Variants in LURAP1L observed in about 807,000 individuals in gnomAD.
The protein encoded by LURAP1L is leucine rich adaptor protein 1-like.
Under a neutral mutation model 13.8 loss-of-function variants are expected in LURAP1L, and 12 were observed. The observed-to-expected ratio is 0.87, with a 90% CI of 0.56 to 1.41. The LOEUF (loss-of-function observed/expected upper bound fraction) is 1.41. Ranked by LOEUF, LURAP1L falls within the 40% of genes most tolerant of loss-of-function variation. LURAP1L has a pLI of 0.00. For missense variants in LURAP1L, 375 were observed against 292.9 expected, an observed-to-expected ratio of 1.28 and a Z score of -2.04; for synonymous variants, 139 against 119.2, an observed-to-expected ratio of 1.17 and a Z score of -1.08.
intron 1 of LURAP1L, among the ~76,000 whole-genome samples, chr9:12,805,019 G>A (rs951837924): frequency 6.6e-6 from 1 of 151,786 alleles, no homozygotes; most frequent in Non-Finnish European, 1.5e-5. Flanking sequence ...CATTAGAAAA[G>A]AAATATAAAT....
chr9:12,797,257 C>T (rs1298797982), intron 1 of LURAP1L, among the ~76,000 whole-genome samples: 1 of 151,918 alleles, frequency 6.6e-6, no homozygotes, highest in Non-Finnish European at 1.5e-5. Flanking sequence ...ACCCACTGCT[C>T]CTTACCCTAC....
intron 1 of LURAP1L, among the ~76,000 whole-genome samples, chr9:12,794,174 G>A (rs984932128): frequency 8.5e-5 from 13 of 152,090 alleles, no homozygotes; most frequent in African/African-American, 2.4e-4. Context: ...TGGTTGTTCC[G>A]AGTGCCATGC....
intron 1 of LURAP1L, among the ~76,000 whole-genome samples, chr9:12,786,568 A>ATATATG (rs1819356807): frequency 3.2e-5 from 4 of 124,414 alleles, no homozygotes; most frequent in African/African-American, 1.2e-4. Context: ...ATATATATAT[A>ATATATG]TATATATATA....
chr9:12,779,996 G>A (rs1457883267), intron 1 of LURAP1L, among the ~76,000 whole-genome samples: 1 of 152,112 alleles, frequency 6.6e-6, no homozygotes, highest in Non-Finnish European at 1.5e-5. Flanking sequence ...CAGTCCACAA[G>A]AACTGCCATG....
At chr9:12,814,534 A>T (rs1048254137) in intron 1 of LURAP1L, among the ~76,000 whole-genome samples, 1 of 152,194 alleles carries the variant, frequency 6.6e-6, no homozygotes, top group African/African-American at 2.4e-5. Flanking sequence ...CTAAGTATCA[A>T]TTGGACCTAG....
intron 1 of LURAP1L, among the ~76,000 whole-genome samples, chr9:12,818,969 G>A (rs1012873706): frequency 2.0e-5 from 3 of 152,188 alleles, no homozygotes; most frequent in Non-Finnish European, 4.4e-5. Flanking sequence ...TAGGCAAATT[G>A]TTGGTGATTT....
rs1388350013 is a variant in LURAP1L, at chr9:12,821,784, G to A, written c.*24G>A. Reference sequence around the variant, plus strand: ...AGTGACAGTTTTTTGCATGGGACTGGTGTGCAATGAACTTGTATTTATCCT... The same window carrying A: ...AGTGACAGTTTTTTGCATGGGACTGATGTGCAATGAACTTGTATTTATCCT... On this transcript the variant is annotated 3_prime_UTR_variant, in exon 2 of 2. Transcript: ENST00000319264. 1 of 1,593,294 alleles carries A rather than the reference G, an allele frequency of 6.3e-7. No individual in the cohort carries two copies. The highest frequency in any genetic ancestry group is 8.6e-7 in the Non-Finnish European group (1 of 1,166,026).
At chr9:12,785,993 A>G (rs191818989) in intron 1 of LURAP1L, among the ~76,000 whole-genome samples, 2 of 152,202 alleles carry the variant, frequency 1.3e-5, no homozygotes, top group East Asian at 1.9e-4. Flanking sequence ...ATATATTTGC[A>G]TTTTATATAC....
chr9:12,799,740 G>C (rs1377337651), intron 1 of LURAP1L, among the ~76,000 whole-genome samples: 2 of 152,062 alleles, frequency 1.3e-5, no homozygotes, highest in African/African-American at 4.8e-5. Context: ...TTAGCCAGGT[G>C]GCAGGCGTCT....
At chr9:12,786,661 T>C (rs138805343) in intron 1 of LURAP1L, among the ~76,000 whole-genome samples, 1 of 148,990 alleles carries the variant, frequency 6.7e-6, no homozygotes, top group East Asian at 2.0e-4. Context: ...AATTTGCTCA[T>C]CTGGGATGCT....
intron 1 of LURAP1L, among the ~76,000 whole-genome samples, chr9:12,787,198 G>A (rs1476603816): frequency 6.6e-6 from 1 of 152,026 alleles, no homozygotes; most frequent in East Asian, 1.9e-4. Flanking sequence ...TACCTTCCTG[G>A]AAATGTTCTA....
Position 12,776,130 on chromosome 9 carries a change from G to C in LURAP1L, c.312+103G>C, listed in dbSNP as rs1043557818. The C allele has an allele frequency of 6.6e-6, 8 of 1,211,988 alleles. 1 individual carries two copies. The Admixed American group carries it at 6.9e-5, about 10-fold the overall frequency. 75.1% of individuals were successfully genotyped at this position (1,211,988 alleles called of 1,614,324 possible). A position where few individuals can be genotyped will look rare whatever the true frequency, so the allele number is the denominator to read the frequency against. ...GAGAGAGGACGGCAGGGGCTGCAGA[G>C]CGGAGCGCTGGGCGCGTGGGAAATG... On this transcript the variant is annotated intron_variant, in intron 1 of 1. Transcript: ENST00000319264.
chr9:12,782,905 T>C (rs1819292139), intron 1 of LURAP1L, among the ~76,000 whole-genome samples: 1 of 152,174 alleles, frequency 6.6e-6, no homozygotes, highest in Admixed American at 6.5e-5. Context: ...CATCGGTATT[T>C]TATAGTATTC....
In LURAP1L at chr9:12,821,516, G is replaced by A. The variant is rs755138696; in HGVS notation, c.443G>A (p.Ser148Asn). The stretch of plus-strand genomic sequence containing the variant: ...AGCAGAGGCAGCAGCCTCAGTGGCA[G>A]CCTGTGCAGTTTGTTGGAGAGTCAG... ...ITSRGSSLSGSLCSLLESQST... is the reference protein window; with the variant it reads ...ITSRGSSLSGNLCSLLESQST... Residue 148 changes from serine (S) to asparagine (N), a missense_variant, in exon 2 of 2, where the codon AGC (serine) becomes AAC (asparagine). By Grantham distance (46) the Ser-to-Asn change is conservative. Transcript: ENST00000319264. 2 of 1,614,204 alleles carry A rather than the reference G, an allele frequency of 1.2e-6. No homozygotes were observed. Among genetic ancestry groups the A allele is most frequent in the Non-Finnish European group, 1.7e-6 (2 of 1,180,040 alleles).
At chr9:12,818,243 G>C (rs1348177665) in intron 1 of LURAP1L, among the ~76,000 whole-genome samples, 1 of 151,726 alleles carries the variant, frequency 6.6e-6, no homozygotes, top group African/African-American at 2.4e-5. Flanking sequence ...TAATAAAACT[G>C]AAAAACTTGT....
At chr9:12,798,373 C>G (rs1819537831) in intron 1 of LURAP1L, among the ~76,000 whole-genome samples, 1 of 152,164 alleles carries the variant, frequency 6.6e-6, no homozygotes, top group Non-Finnish European at 1.5e-5. Flanking sequence ...ATGGACAACA[C>G]TATGACATGA....
chr9:12,787,574 A>T (rs1457481172), intron 1 of LURAP1L, among the ~76,000 whole-genome samples: 2 of 152,192 alleles, frequency 1.3e-5, no homozygotes, highest in African/African-American at 4.8e-5. Context: ...CTCTACTCTC[A>T]TCCTAGCCAG....
intron 1 of LURAP1L, among the ~76,000 whole-genome samples, chr9:12,792,190 A>G (rs1295317059): frequency 1.3e-5 from 2 of 152,152 alleles, no homozygotes; most frequent in Non-Finnish European, 2.9e-5. Context: ...TATACATGGT[A>G]TTTAGTAAAT....
chr9:12,778,927 A>G (rs1008251347), intron 1 of LURAP1L, among the ~76,000 whole-genome samples: 1 of 152,228 alleles, frequency 6.6e-6, no homozygotes, highest in Non-Finnish European at 1.5e-5. Flanking sequence ...AACTGTGGAT[A>G]GTACCAAAGC....
Sources: allele counts gnomAD v4.1 joint callset (sites outside exome capture counted in the v4.1 genomes callset), GRCh38; gene constraint gnomAD v4.1.1; transcripts MANE v1.5; gene names NCBI Gene and HGNC (gene_info 2026-07-23, HGNC 2026-07-21).